TUSC3: variants seen among roughly 807,000 people sequenced by gnomAD.
The protein encoded by TUSC3 is dolichyl-diphosphooligosaccharide--protein glycosyltransferase subunit TUSC3.
Under a neutral mutation model 44.8 loss-of-function variants are expected in TUSC3, and 45 were observed. The observed-to-expected ratio is 1.00, with a 90% confidence interval of 0.79 to 1.29. The LOEUF (loss-of-function observed/expected upper bound fraction) is 1.29, where lower values mean the gene tolerates loss of function less well. TUSC3 is among the 50% of genes most tolerant of loss of function. TUSC3 has a pLI of 0.00. For synonymous variants in TUSC3, 212 were observed against 152.9 expected, an observed-to-expected ratio of 1.39 and a Z score of -2.85; for missense variants, 519 against 437.9, an observed-to-expected ratio of 1.19 and a Z score of -1.65.
chr8:15,524,981 C>T (rs912971058), intron 2 of TUSC3, among the ~76,000 whole-genome samples: 5 of 152,104 alleles, frequency 3.3e-5, no homozygotes, highest in East Asian at 1.9e-4. Flanking sequence ...CTTGCCCAGA[C>T]GTTAGAATAA....
intron 2 of TUSC3, among the ~76,000 whole-genome samples, chr8:15,521,469 T>A (rs1231609424): frequency 1.3e-5 from 2 of 152,082 alleles, no homozygotes; most frequent in African/African-American, 4.8e-5. Flanking sequence ...ATAATAGCAG[T>A]TTCATTCAGT....
chr8:15,838,321 G>C, the TUSC3 span, among the ~76,000 whole-genome samples: 1 of 152,138 alleles, frequency 6.6e-6, no homozygotes, highest in Non-Finnish European at 1.5e-5. Context: ...ACCAGTGCTT[G>C]GAAACCATCC....
chr8:15,616,617 C>T (rs1804996751), intron 1 of TUSC3, among the ~76,000 whole-genome samples: 1 of 152,066 alleles, frequency 6.6e-6, no homozygotes, highest in South Asian at 2.1e-4. Flanking sequence ...AAAATAAATT[C>T]AAATATGTTA....
chr8:15,688,734 C>G (rs1176756421), intron 6 of TUSC3, among the ~76,000 whole-genome samples: 1 of 152,160 alleles, frequency 6.6e-6, no homozygotes, highest in African/African-American at 2.4e-5. Context: ...CTCCTCTCCT[C>G]TCTGTATGCC....
chr8:15,505,509 T>G (rs1276558656), intron 2 of TUSC3, among the ~76,000 whole-genome samples: 3 of 152,208 alleles, frequency 2.0e-5, no homozygotes, highest in African/African-American at 7.2e-5. Context: ...GTACGTTTTT[T>G]ATTGTGTTTT....
At position 15,712,674 on chromosome 8, in the gene TUSC3, A is replaced by C. The variant is rs60420487; in HGVS notation, c.799-17992A>C. Among the ~76,000 whole-genome samples the C allele has an allele frequency of 5.9e-3, 897 of 152,080 alleles. 10 individuals are homozygous for C. The highest frequency in any genetic ancestry group is 0.037 in the East Asian group (193 of 5,150). Reference sequence around the variant, plus strand: ...CCAATCCTTTTAAGCTTTACTGCCTACTTTGCTGCTGCTTGTAAAATACTG... The same window carrying C: ...CCAATCCTTTTAAGCTTTACTGCCTCCTTTGCTGCTGCTTGTAAAATACTG... On this transcript the variant is annotated intron_variant, in intron 6 of 10. Transcript: ENST00000503731.
the TUSC3 span, among the ~76,000 whole-genome samples, chr8:15,801,107 G>T: frequency 6.6e-6 from 1 of 152,148 alleles, no homozygotes; most frequent in Admixed American, 6.5e-5. Flanking sequence ...AAGAATAAAA[G>T]AATGGCTACT....
intron 8 of TUSC3, among the ~76,000 whole-genome samples, chr8:15,744,266 A>T (rs1413980468): frequency 6.6e-6 from 1 of 152,182 alleles, no homozygotes; most frequent in African/African-American, 2.4e-5. Context: ...AGAAAAACAT[A>T]TATGAGGTTT....
chr8:15,629,033 G>T (rs925407693), intron 2 of TUSC3, among the ~76,000 whole-genome samples: 1 of 152,206 alleles, frequency 6.6e-6, no homozygotes, highest in Non-Finnish European at 1.5e-5. Flanking sequence ...GTAGAAGTAG[G>T]ATAGGGTTGA....
intron 2 of TUSC3, among the ~76,000 whole-genome samples, chr8:15,648,869 A>C (rs1806758022): frequency 1.3e-5 from 2 of 151,666 alleles, no homozygotes; most frequent in Non-Finnish European, 2.9e-5. Flanking sequence ...GCAGGAGTCC[A>C]TGAAGAGCCC....
At chr8:15,745,313 G>C (rs1563202027) in intron 8 of TUSC3, among the ~76,000 whole-genome samples, 1 of 151,940 alleles carries the variant, frequency 6.6e-6, no homozygotes, top group Admixed American at 6.6e-5. Context: ...ATTTTTCTTT[G>C]GGTGTATACC....
At chr8:15,794,376 T>A in the TUSC3 span, among the ~76,000 whole-genome samples, 1 of 152,072 alleles carries the variant, frequency 6.6e-6, no homozygotes, top group Non-Finnish European at 1.5e-5. Flanking sequence ...AAAATCAGAG[T>A]GCATTTTTAC....
intron 10 of TUSC3, among the ~76,000 whole-genome samples, chr8:15,761,743 C>G (rs757968750): frequency 1.3e-5 from 2 of 152,116 alleles, no homozygotes; most frequent in Non-Finnish European, 2.9e-5. Flanking sequence ...GTGAAAAGCA[C>G]ACATCAGGGG....
At chr8:15,753,525 C>A (rs145774088) in intron 9 of TUSC3, among the ~76,000 whole-genome samples, 2 of 152,030 alleles carry the variant, frequency 1.3e-5, no homozygotes, top group Non-Finnish European at 2.9e-5. Context: ...GAACAAAAAA[C>A]CAGTTTTCCA....
Position 15,667,325 on chromosome 8 carries a change from AAAT to A in TUSC3, c.708+5033_708+5035del, listed in dbSNP as rs1470758097. ...TATATAGATTGAGTATAAATGAAAG[AAAT>A]AATGATAGTATTTCTGTATAACACT... is the stretch of plus-strand genomic sequence containing the variant. On this transcript the variant is annotated intron_variant, in intron 5 of 10. Coordinates refer to ENST00000503731, the MANE Select transcript of TUSC3 (RefSeq NM_006765.4). Among the ~76,000 whole-genome samples, 16 of 151,808 alleles carry A rather than the reference AAAT, an allele frequency of 1.1e-4. No homozygotes were observed. In the South Asian group the frequency reaches 1.7e-3, roughly 16 times the overall value.
At chr8:15,547,747 C>T (rs542955922) in intron 1 of TUSC3, among the ~76,000 whole-genome samples, 1 of 151,476 alleles carries the variant, frequency 6.6e-6, no homozygotes, top group South Asian at 2.1e-4. Flanking sequence ...AATAGGACCC[C>T]AGAGAGCTCT....
chr8:15,803,103 G>C, the TUSC3 span, among the ~76,000 whole-genome samples: 1 of 152,112 alleles, frequency 6.6e-6, no homozygotes, highest in African/African-American at 2.4e-5. Context: ...ACCTTCATGA[G>C]GTTAGTTACC....
At chr8:15,576,559 G>A (rs1427503963) in intron 1 of TUSC3, among the ~76,000 whole-genome samples, 3 of 145,980 alleles carry the variant, frequency 2.1e-5, no homozygotes, top group Admixed American at 6.9e-5. Flanking sequence ...AGAATATGCC[G>A]TGATTGGTTT....
rs114393140 is a variant in TUSC3, at chr8:15,608,632, G to T, written c.139-14448G>T. Among the ~76,000 whole-genome samples the T allele has an allele frequency of 4.6e-5, 7 of 152,226 alleles. No homozygotes were observed. In the East Asian group the frequency reaches 1.4e-3, roughly 29 times the overall value. On this transcript the variant is annotated intron_variant, in intron 1 of 10. Coordinates refer to ENST00000503731, the MANE Select transcript of TUSC3 (RefSeq NM_006765.4). ...TTATGGGGGTGGTTTCCCCCATGTT[G>T]TTCTTGTGATAGTGCGTGAGTCTCG...
Sources: allele counts gnomAD v4.1 joint callset (sites outside exome capture counted in the v4.1 genomes callset), GRCh38; gene constraint gnomAD v4.1.1; transcripts MANE v1.5; gene names NCBI Gene and HGNC (gene_info 2026-07-23, HGNC 2026-07-21).